Variants in NELFB observed in about 807,000 individuals in gnomAD.
NELFB encodes negative elongation factor B.
In NELFB, 34 loss-of-function variants were observed where a neutral mutation model predicts 60.2. The observed-to-expected ratio is 0.56, with a 90% CI of 0.43 to 0.75. The LOEUF (loss-of-function observed/expected upper bound fraction) is 0.75. NELFB is among the 30% of genes least tolerant of loss of function. NELFB has a pLI of 0.00. For missense variants in NELFB, 770 were observed against 831.6 expected (o/e 0.93, Z 0.91); for synonymous variants, 459 against 382.1 (o/e 1.20, Z -2.35).
In NELFB at chr9:137,272,822, A is replaced by G; in HGVS notation, c.1781A>G (p.Glu594Gly). 1 of 1,549,990 alleles carries G rather than the reference A, an allele frequency of 6.5e-7. No homozygotes were observed. Among genetic ancestry groups the G allele is most frequent in the Non-Finnish European group, 8.7e-7 (1 of 1,146,642 alleles). ...AAGGAGCTTTACTCCCAGCTCGGCG[A>G]GAAGCTGGAACAGCTGGATCACCGG... is the stretch of plus-strand genomic sequence containing the variant. Residue 594 changes from glutamate to glycine, a missense_variant, in exon 13 of 13, where the codon GAG becomes GGG. Transcript: ENST00000343053.
intron 4 of NELFB, among the ~76,000 whole-genome samples, chr9:137,260,678 C>T (rs1306033659): frequency 6.6e-6 from 1 of 151,902 alleles, no homozygotes; most frequent in Admixed American, 6.6e-5. Flanking sequence ...TTCTCGAACT[C>T]CTGGCCTCAG....
intron 2 of NELFB, 99 bp from the exon 3 acceptor site, chr9:137,256,230 T>A: frequency 7.2e-7 from 1 of 1,380,092 alleles, no homozygotes; most frequent in Non-Finnish European, 1.0e-6. Flanking sequence ...GTCCTGGGCG[T>A]GGAGGCTTGT....
Position 137,273,022 on chromosome 9 carries a change from C to T in NELFB, c.*94C>T, listed in dbSNP as rs1830604476. 1.5e-6 allele frequency: 2 copies of T among 1,340,664 alleles called. No individual in the cohort carries two copies. The highest frequency in any genetic ancestry group is 2.9e-5 in the Admixed American group (1 of 34,090). The allele number at this position is 1,340,664 out of a possible 1,614,324, so 83.0% of individuals were successfully genotyped here. ...CCCGGACCTGGATGTACAGGGCAGT[C>T]TCTCTTCCCGGGGCTATGGCTGGGC... On this transcript the variant is annotated 3_prime_UTR_variant, in exon 13 of 13. Transcript: ENST00000343053.
intron 4 of NELFB, among the ~76,000 whole-genome samples, chr9:137,259,198 G>GA (rs59345853): frequency 7.3e-5 from 11 of 149,764 alleles, no homozygotes; most frequent in Admixed American, 1.3e-4. Flanking sequence ...GTCTCAAAAG[G>GA]AAAAAAAAAA....
At chr9:137,261,687 T>C (rs1400909222) in intron 4 of NELFB, among the ~76,000 whole-genome samples, 3 of 148,108 alleles carry the variant, frequency 2.0e-5, no homozygotes, top group Non-Finnish European at 4.5e-5. Context: ...ATTGATTGGG[T>C]GTAGGGACCA....
rs1430897645 is a variant in NELFB at position 137,256,447 on chromosome 9, C to T, written c.510+19C>T. 1.9e-6 allele frequency: 3 copies of T among 1,607,590 alleles called. No individual in the cohort carries two copies. The highest frequency in any genetic ancestry group is 2.6e-6 in the Non-Finnish European group (3 of 1,175,394). On this transcript the variant is annotated intron_variant, in intron 3 of 12. Coordinates refer to ENST00000343053, the MANE Select transcript of NELFB (RefSeq NM_015456.5). The stretch of plus-strand genomic sequence containing the variant: ...GCCCAAGGTAGGGCCCTAACCCTAA[C>T]CCTGATGGCGTGGACCGTCCGCCCA...
At position 137,256,310 on chromosome 9, in the gene NELFB, A is replaced by G. The variant is rs749559137; in HGVS notation, c.411-19A>G. Reference sequence around the variant, plus strand: ...GATTTGGCGCATCGCTGCACCATCAATCCTGTGAGTTGTTCCAGGTACAAG... The same window carrying G: ...GATTTGGCGCATCGCTGCACCATCAGTCCTGTGAGTTGTTCCAGGTACAAG... On this transcript the variant is annotated intron_variant, in intron 2 of 12. Coordinates refer to ENST00000343053, the MANE Select transcript of NELFB (RefSeq NM_015456.5). 40 of 1,610,214 alleles carry G rather than the reference A, an allele frequency of 2.5e-5. No individual in the cohort carries two copies. Among genetic ancestry groups the G allele is most frequent in the Non-Finnish European group, 2.9e-5 (34 of 1,176,908 alleles).
In NELFB at chr9:137,269,195, C is replaced by T. The variant is rs945848571; in HGVS notation, c.1489+1849C>T. Among the ~76,000 whole-genome samples the T allele has an allele frequency of 2.6e-5, 4 of 152,136 alleles. No individual in the cohort carries two copies. Among genetic ancestry groups the T allele is most frequent in the African/African-American group, 9.7e-5 (4 of 41,418 alleles). On this transcript the variant is annotated intron_variant, in intron 10 of 12. Transcript: ENST00000343053. The surrounding 1 kb of genome is among the most constrained non-coding windows in gnomAD (Gnocchi z 5.3). Reference sequence around the variant, plus strand: ...GAGGAAGTTACCTGTGGGTATTAACCTGTCCCCAGCCATCCTCTCACTGAG... The same window carrying T: ...GAGGAAGTTACCTGTGGGTATTAACTTGTCCCCAGCCATCCTCTCACTGAG...
rs1185588746 is a variant in NELFB, at chr9:137,263,070, A to C, written c.775A>C (p.Asn259His). ...GCGGCTGACGCGGATGGTGGGGAAG[A>C]ACGTGAAGCTGTACGACATGGTGCT... Residue 259 changes from asparagine (N) to histidine (H), a missense_variant, in exon 5 of 13, where the codon AAC (asparagine) becomes CAC (histidine). Transcript: ENST00000343053. 1.9e-6 allele frequency: 3 copies of C among 1,613,612 alleles called. 1 individual carries two copies. The Admixed American group carries it at 5.0e-5, about 27-fold the overall frequency.
intron 4 of NELFB, among the ~76,000 whole-genome samples, chr9:137,261,325 G>A (rs1003896971): frequency 1.1e-4 from 15 of 136,004 alleles, no homozygotes; most frequent in African/African-American, 3.9e-4. Flanking sequence ...GGGTAACAGA[G>A]CACGACTCGG....
intron 10 of NELFB, among the ~76,000 whole-genome samples, chr9:137,271,224 C>T (rs981610528): frequency 6.6e-6 from 1 of 152,280 alleles, no homozygotes; most frequent in African/African-American, 2.4e-5. Flanking sequence ...ATGTGGCCGG[C>T]CAAGGCCCTG....
chr9:137,263,533 C>T (rs1217218455), intron 5 of NELFB, among the ~76,000 whole-genome samples: 5 of 149,124 alleles, frequency 3.4e-5, no homozygotes, highest in Non-Finnish European at 5.9e-5. Flanking sequence ...CCTCCTGGCT[C>T]CTCTCCTCTC....
At chr9:137,271,713 A>G (rs1282485227) in intron 10 of NELFB, among the ~76,000 whole-genome samples, 7 of 152,112 alleles carry the variant, frequency 4.6e-5, no homozygotes, top group African/African-American at 1.7e-4. Context: ...GCTGCTGGGC[A>G]AGGCCTTTTG....
In NELFB at chr9:137,273,091, G is replaced by A. The variant is rs1428370063; in HGVS notation, c.*163G>A. 4 of 773,548 alleles carry A rather than the reference G, an allele frequency of 5.2e-6. No homozygotes were observed. Among genetic ancestry groups the A allele is most frequent in the Non-Finnish European group, 7.7e-6 (4 of 516,492 alleles). The allele number at this position is 773,548 out of a possible 1,614,324, so 47.9% of individuals were successfully genotyped here. On this transcript the variant is annotated 3_prime_UTR_variant, in exon 13 of 13. Transcript: ENST00000343053. ...CCCCTGCTTCCTGCTCCTTGGAGCTGGCTCCCGGACCTTGCCCACCATCCA... is the reference window on the plus strand; with the variant it reads ...CCCCTGCTTCCTGCTCCTTGGAGCTAGCTCCCGGACCTTGCCCACCATCCA...
intron 10 of NELFB, among the ~76,000 whole-genome samples, chr9:137,271,754 CCTT>C (rs1356647262): frequency 1.1e-4 from 16 of 152,030 alleles, no homozygotes; most frequent in African/African-American, 3.6e-4. Flanking sequence ...TTTTCTGTCT[CCTT>C]CTTCCTCCAC....
Position 137,269,284 on chromosome 9 carries a change from TAGAC to T in NELFB, c.1489+1941_1489+1944del, listed in dbSNP as rs1340228623. On this transcript the variant is annotated intron_variant, in intron 10 of 12. Transcript: ENST00000343053. The surrounding 1 kb of genome is among the most constrained non-coding windows in gnomAD (Gnocchi z 5.3). ...AACGAATGACCACAGACAGTGGCAT[TAGAC>T]AGCGCAGGCAGACATGACCTCCTGG... Among the ~76,000 whole-genome samples the T allele has an allele frequency of 3.9e-5, 6 of 152,080 alleles. No individual in the cohort carries two copies. The highest frequency in any genetic ancestry group is 8.8e-5 in the Non-Finnish European group (6 of 68,030).
chr9:137,263,359 C>G, intron 5 of NELFB, 137 bp downstream of exon 5: 1 of 682,140 alleles, frequency 1.5e-6, no homozygotes, highest in Non-Finnish European at 2.4e-6. Flanking sequence ...CCCTCCCTCC[C>G]TCCTTCTCCC....
Position 137,263,088 on chromosome 9 carries a change from A to G in NELFB, c.793A>G (p.Met265Val). 2 of 1,614,044 alleles carry G rather than the reference A, an allele frequency of 1.2e-6. No individual in the cohort carries two copies. The highest frequency in any genetic ancestry group is 1.7e-6 in the Non-Finnish European group (2 of 1,179,948). ...GGGGAAGAACGTGAAGCTGTACGAC[A>G]TGGTGCTGCAGTTTCTGCGCACGCT... is the stretch of plus-strand genomic sequence containing the variant. Residue 265 changes from methionine to valine, a missense_variant, in exon 5 of 13, where the codon ATG becomes GTG. Physicochemically the swap from Met to Val is conservative, Grantham distance 21 (BLOSUM62 1). Transcript: ENST00000343053.
chr9:137,272,024 T>C, intron 10 of NELFB, 57 bp from the exon 11 acceptor site: 1 of 1,606,162 alleles, frequency 6.2e-7, no homozygotes, highest in South Asian at 1.1e-5. Flanking sequence ...AGGACAAGGG[T>C]GCCCTCTGGG....
Sources: allele counts gnomAD v4.1 joint callset (sites outside exome capture counted in the v4.1 genomes callset), GRCh38; gene constraint gnomAD v4.1.1; non-coding constraint Gnocchi (gnomAD v3.1); transcripts MANE v1.5; gene names NCBI Gene and HGNC (gene_info 2026-07-23, HGNC 2026-07-21).